The following ZNF224 variants were observed in gnomAD, a reference collection of about 807,000 sequenced individuals.
ZNF224 encodes bone marrow zinc finger 2.
ZNF224 carries 8 observed loss-of-function variants against 10.5 expected under a neutral mutation model. The observed-to-expected ratio is 0.76, with a 90% CI of 0.45 to 1.37. The LOEUF is 1.37. Among genes scored for constraint, ZNF224 ranks in the 40% most tolerant of loss-of-function variants. The pLI, the probability that ZNF224 is intolerant of heterozygous loss-of-function variation, is 0.00. For missense variants in ZNF224, 754 were observed against 854.0 expected (o/e 0.88, Z 1.46); for synonymous variants, 282 against 287.8 (o/e 0.98, Z 0.20).
At chr19:44,095,525 T>C (rs1263383749) in intron 1 of ZNF224, 2 of 152,078 alleles carry the variant, frequency 1.3e-5, no homozygotes, top group African/African-American at 4.8e-5. Context: ...TGAAATTTTC[T>C]GAGTTTCTAA....
At position 44,107,150 on chromosome 19, in the gene ZNF224, A is replaced by G; in HGVS notation, c.990A>G (p.Ala330=). The G allele has an allele frequency of 6.2e-7, 1 of 1,607,114 alleles. No homozygotes were observed. Among genetic ancestry groups the G allele is most frequent in the Non-Finnish European group, 8.5e-7 (1 of 1,176,290 alleles). The change falls in exon 6 of 6, where the codon GCA becomes GCG. Residue 330 remains alanine, a synonymous_variant. Transcript: ENST00000693561. ...ATAAGAGCTTTCGTCAGAGATCAGC[A>G]CTTAATAGTCATCGCATGATCCACA... is the stretch of plus-strand genomic sequence containing the variant. The part of the protein sequence containing the change: ...TCDKSFRQRS[A]LNSHRMIHTG...
intron 3 of ZNF224, among the ~76,000 whole-genome samples, chr19:44,099,130 G>A (rs1967498005): frequency 1.3e-5 from 2 of 152,154 alleles, no homozygotes. Context: ...TGTGCCCTGT[G>A]GTGTGGGTGT....
At chr19:44,106,297 T>A in intron 5 of ZNF224, 99 bp from the exon 6 acceptor site, 1 of 1,274,410 alleles carries the variant, frequency 7.8e-7, no homozygotes, top group Non-Finnish European at 1.1e-6. Context: ...GAATGTTGTC[T>A]ATACTCATGA....
At position 44,108,528 on chromosome 19, in the gene ZNF224, A is replaced by G; in HGVS notation, c.*244A>G. 1 of 520,922 alleles carries G rather than the reference A, an allele frequency of 1.9e-6. No individual in the cohort carries two copies. The highest frequency in any genetic ancestry group is 3.5e-6 in the Non-Finnish European group (1 of 285,920). The allele number at this position is 520,922 out of a possible 1,614,324, so 32.3% of individuals were successfully genotyped here. On this transcript the variant is annotated 3_prime_UTR_variant, in exon 6 of 6. Coordinates refer to ENST00000693561, the MANE Select transcript of ZNF224 (RefSeq NM_001321645.3). Reference sequence around the variant, plus strand: ...ATGCCCCAGTAGTCTCAGGACCACCATAATGGAGAATCCTTGTAAATGGTG... The same window carrying G: ...ATGCCCCAGTAGTCTCAGGACCACCGTAATGGAGAATCCTTGTAAATGGTG...
intron 1 of ZNF224, chr19:44,095,021 T>G (rs538172190): frequency 4.9e-6 from 1 of 203,910 alleles, no homozygotes; most frequent in South Asian, 9.4e-5. Flanking sequence ...TCCACTTTCA[T>G]GAAGGGAAAG....
chr19:44,107,099 G>A lies in ZNF224; in HGVS notation c.939G>A (p.Glu313=). ...LNRHSMVHTA[E]KPFRCDTCDK... ...GGCATTCCATGGTTCACACGGCAGA[G>A]AAACCATTCCGATGTGATACGTGTG... Residue 313 remains glutamate (E), a synonymous_variant, in exon 6 of 6, where the codon GAG becomes GAA. Coordinates refer to ENST00000693561, the MANE Select transcript of ZNF224 (RefSeq NM_001321645.3). 1 of 1,602,994 alleles carries A rather than the reference G, an allele frequency of 6.2e-7. No homozygotes were observed. Among genetic ancestry groups the A allele is most frequent in the Non-Finnish European group, 8.5e-7 (1 of 1,174,024 alleles).
intron 3 of ZNF224, among the ~76,000 whole-genome samples, chr19:44,099,669 AT>A (rs762310282): frequency 1.1e-4 from 17 of 152,134 alleles, no homozygotes; most frequent in Non-Finnish European, 1.9e-4. Context: ...CCTGGGAAAC[AT>A]AGCAAGACTC....
chr19:44,100,146 A>G (rs1212569647), intron 3 of ZNF224, among the ~76,000 whole-genome samples: 1 of 152,200 alleles, frequency 6.6e-6, no homozygotes, highest in African/African-American at 2.4e-5. Flanking sequence ...TGAAAACTAT[A>G]TCATGTGACG....
chr19:44,094,742 C>G (rs1301119687), intron 1 of ZNF224: 7 of 152,380 alleles, frequency 4.6e-5, no homozygotes, highest in African/African-American at 1.7e-4. Context: ...TGTTAATCTC[C>G]TTGGGTTTCC....
At chr19:44,098,366 G>A (rs187859081) in intron 3 of ZNF224, among the ~76,000 whole-genome samples, 2 of 152,202 alleles carry the variant, frequency 1.3e-5, no homozygotes, top group African/African-American at 4.8e-5. Flanking sequence ...TACTTTTGAT[G>A]TGTGCCACGT....
chr19:44,108,393 C>A lies in ZNF224; in HGVS notation c.*109C>A. On this transcript the variant is annotated 3_prime_UTR_variant, in exon 6 of 6. Coordinates refer to ENST00000693561, the MANE Select transcript of ZNF224 (RefSeq NM_001321645.3). ...AATATGAGGCACATAGTAAGCACTT[C>A]CCTTTGAGTATTTTATCTCTGAATC... 2 of 1,117,372 alleles carry A rather than the reference C, an allele frequency of 1.8e-6. No individual in the cohort carries two copies. The highest frequency in any genetic ancestry group is 2.5e-6 in the Non-Finnish European group (2 of 798,228). 69.2% of individuals were successfully genotyped at this position (1,117,372 alleles called of 1,614,324 possible).
In ZNF224 at chr19:44,100,935, C is replaced by A. The variant is rs1334409956; in HGVS notation, c.142+8C>A. 6.2e-7 allele frequency: 1 copy of A among 1,613,392 alleles called. No homozygotes were observed. The highest frequency in any genetic ancestry group is 8.5e-7 in the Non-Finnish European group (1 of 1,179,570). Reference sequence around the variant, plus strand: ...GGAACCTGCTCTCAGTGGGTGAGGACAGGCACCCTCTGTAACAGAACGTCA... The same window carrying A: ...GGAACCTGCTCTCAGTGGGTGAGGAAAGGCACCCTCTGTAACAGAACGTCA... On this transcript the variant is annotated splice_region_variant and intron_variant, in intron 4 of 5. Transcript: ENST00000693561.
Position 44,107,203 on chromosome 19 carries a change from A to G in ZNF224, c.1043A>G (p.Glu348Gly). 1 of 1,604,860 alleles carries G rather than the reference A, an allele frequency of 6.2e-7. No individual in the cohort carries two copies. The highest frequency in any genetic ancestry group is 8.5e-7 in the Non-Finnish European group (1 of 1,175,346). ...HTGEKPYKCE[E>G]CGKGFICRRD... ...GGAGAGAAACCATACAAATGTGAGG[A>G]GTGTGGAAAAGGCTTTATTTGTAGG... The change falls in exon 6 of 6, where the codon GAG becomes GGG. Residue 348 changes from glutamate to glycine, a missense_variant. Coordinates refer to ENST00000693561, the MANE Select transcript of ZNF224 (RefSeq NM_001321645.3).
At chr19:44,098,400 C>G (rs1430553055) in intron 3 of ZNF224, among the ~76,000 whole-genome samples, 3 of 152,106 alleles carry the variant, frequency 2.0e-5, no homozygotes, top group African/African-American at 7.2e-5. Flanking sequence ...GATAGAGTAT[C>G]CATATGTGGC....
chr19:44,105,383 A>G (rs888304803), intron 5 of ZNF224: 3 of 152,224 alleles, frequency 2.0e-5, no homozygotes, highest in African/African-American at 7.2e-5. Flanking sequence ...ATATTTTATT[A>G]TATACACAAT....
In ZNF224 at chr19:44,101,157, C is replaced by T. The variant is rs774265260; in HGVS notation, c.167C>T (p.Thr56Ile). The T allele has an allele frequency of 1.1e-5, 17 of 1,614,032 alleles. No homozygotes were observed. In the Middle Eastern group the frequency reaches 4.9e-4, roughly 47 times the overall value. The change falls in exon 5 of 6, where the codon ACT (threonine) becomes ATT (isoleucine). Residue 56 changes from threonine (T) to isoleucine (I), a missense_variant. Thr to Ile is a moderately conservative substitution (Grantham distance 89). Coordinates refer to ENST00000693561, the MANE Select transcript of ZNF224 (RefSeq NM_001321645.3). Reference protein sequence around the residue: ...SVGHQAFHRDTFHFLREEKIW... With the variant: ...SVGHQAFHRDIFHFLREEKIW... Reference sequence around the variant, plus strand: ...GGACATCAAGCATTCCACAGGGATACTTTCCACTTCCTAAGGGAAGAAAAG... The same window carrying T: ...GGACATCAAGCATTCCACAGGGATATTTTCCACTTCCTAAGGGAAGAAAAG...
intron 5 of ZNF224, among the ~76,000 whole-genome samples, chr19:44,101,750 T>C (rs571538365): frequency 1.3e-5 from 2 of 152,306 alleles, no homozygotes; most frequent in South Asian, 4.1e-4. Flanking sequence ...CACTGGGCAA[T>C]TATCAAGTTG....
Position 44,106,616 on chromosome 19 carries a change from A to C in ZNF224, c.456A>C (p.Gly152=). Residue 152 remains glycine, a synonymous_variant, in exon 6 of 6, where the codon GGA becomes GGC. Transcript: ENST00000693561. ...GACAGAAATCTTCCCAGGGCAATGG[A>C]TATAAACCATCCTTCAGTGATGTCT... ...HTRQKSSQGN[G]YKPSFSDVSH... 6.2e-7 allele frequency: 1 copy of C among 1,602,166 alleles called. No individual in the cohort carries two copies.
chr19:44,098,458 G>C (rs551934170), intron 3 of ZNF224, among the ~76,000 whole-genome samples: 4 of 152,320 alleles, frequency 2.6e-5, no homozygotes, highest in Admixed American at 2.0e-4. Context: ...ATTGCTGGAA[G>C]TTTCCACACA....
Sources: allele counts gnomAD v4.1 joint callset (sites outside exome capture counted in the v4.1 genomes callset), GRCh38; gene constraint gnomAD v4.1.1; transcripts MANE v1.5; gene names NCBI Gene and HGNC (gene_info 2026-07-23, HGNC 2026-07-21).